Variants in UBR1 observed in about 807,000 individuals in gnomAD.
UBR1 encodes E3 ubiquitin-protein ligase UBR1.
A neutral mutation model predicts 242.1 loss-of-function variants in UBR1; 102 were observed. The ratio of observed to expected loss-of-function variants is 0.42; its 90% CI spans 0.36 to 0.50. The LOEUF is 0.50. UBR1 is among the 20% of genes least tolerant of loss of function. The pLI is 0.01. For missense variants in UBR1, 1,772 were observed against 2,101.8 expected, an observed-to-expected ratio of 0.84 and a Z score of 3.07; for synonymous variants, 675 against 684.8, an observed-to-expected ratio of 0.99 and a Z score of 0.22.
chr15:43,070,860 T>C lies in UBR1; in HGVS notation c.594A>G (p.Ile198Met), dbSNP rs1332420217. ...ATATAGTCATTTCTACGACATATTT[T>C]ATCACTGAAGGAAATATTTTCCTGG... ...VQARKIFPSV[I>M]KYVVEMTIWE... The change falls in exon 5 of 47, where the codon ATA becomes ATG. Residue 198 changes from isoleucine to methionine, a missense_variant. Transcript: ENST00000290650. 6.2e-7 allele frequency: 1 copy of C among 1,613,790 alleles called. No homozygotes were observed. Among genetic ancestry groups the C allele is most frequent in the East Asian group, 2.2e-5 (1 of 44,868 alleles).
At chr15:42,996,687 T>C (rs537899389) in intron 33 of UBR1, among the ~76,000 whole-genome samples, 1 of 152,306 alleles carries the variant, frequency 6.6e-6, no homozygotes, top group South Asian at 2.1e-4. Context: ...TATTTCTTCC[T>C]CTGTAGCTTT....
At chr15:42,976,609 C>T (rs563669014) in intron 39 of UBR1, 108 bp downstream of exon 39, 1 of 1,376,920 alleles carries the variant, frequency 7.3e-7, no homozygotes, top group East Asian at 2.4e-5. Flanking sequence ...CAACAAAAAA[C>T]ATAACACAGA....
In UBR1 at chr15:43,006,985, C is replaced by A. The variant is rs550706835; in HGVS notation, c.3415+94G>T. ...TGATAATGGTATGGTAGATATATAA[C>A]CCTTATTTCCAAATGTTTTTCAAAT... On this transcript the variant is annotated intron_variant, in intron 30 of 46. Transcript: ENST00000290650. 247 of 1,192,238 alleles carry A rather than the reference C, an allele frequency of 2.1e-4. 1 individual carries two copies. In the African/African-American group the frequency reaches 3.2e-3, roughly 16 times the overall value. 73.9% of individuals were successfully genotyped at this position (1,192,238 alleles called of 1,614,324 possible).
At chr15:42,988,267 ATATGTGTG>A (rs2032504888) in intron 35 of UBR1, among the ~76,000 whole-genome samples, 1 of 113,626 alleles carries the variant, frequency 8.8e-6, no homozygotes, top group Non-Finnish European at 2.1e-5. Context: ...CTAAAGGAAT[ATATGTGTG>A]TGTGTGTGTG....
chr15:42,945,587 C>T (rs2031719663), intron 46 of UBR1, 117 bp from the exon 47 acceptor site: 12 of 1,276,180 alleles, frequency 9.4e-6, no homozygotes, highest in Middle Eastern at 2.0e-4. Context: ...GACTCACCAG[C>T]ACAGGGCTTA....
intron 27 of UBR1, among the ~76,000 whole-genome samples, chr15:43,019,340 G>A (rs2033073420): frequency 6.6e-6 from 1 of 152,166 alleles, no homozygotes; most frequent in Non-Finnish European, 1.5e-5. Context: ...TGGGATTACA[G>A]GCGTGAGCCA....
chr15:43,037,778 T>A lies in UBR1; in HGVS notation c.2017A>T (p.Ser673Cys). ...AATAATAGACTTTGCTGTACCTGGC[T>A]AATAAGAGACAGTCCATTTCTTCGC... ...MWRRNGLSLI[S>C]QVFYYQDVKC... Residue 673 changes from serine to cysteine, a missense_variant, in exon 17 of 47, where the codon AGC (serine) becomes TGC (cysteine). Ser to Cys is a moderately radical substitution (Grantham distance 112). This residue lies in a region of UBR1 where 734 missense variants were observed against 893.3 expected (regional missense o/e 0.82). Transcript: ENST00000290650. The A allele has an allele frequency of 6.2e-7, 1 of 1,613,892 alleles. No individual in the cohort carries two copies. Among genetic ancestry groups the A allele is most frequent in the Non-Finnish European group, 8.5e-7 (1 of 1,179,794 alleles).
intron 29 of UBR1, among the ~76,000 whole-genome samples, chr15:43,014,227 T>G (rs546899002): frequency 6.6e-6 from 1 of 152,174 alleles, no homozygotes; most frequent in African/African-American, 2.4e-5. Context: ...GATCTCGGCT[T>G]GCTACAACCT....
Position 42,958,070 on chromosome 15 carries a change from C to A in UBR1, c.4778G>T (p.Ser1593Ile). 1 of 1,613,518 alleles carries A rather than the reference C, an allele frequency of 6.2e-7. No individual in the cohort carries two copies. Among genetic ancestry groups the A allele is most frequent in the South Asian group, 1.1e-5 (1 of 91,074 alleles). The change falls in exon 44 of 47, where the codon AGT becomes ATT. Residue 1593 changes from serine to isoleucine, a missense_variant. This residue lies in a region of UBR1 where 965 missense variants were observed against 1,079.7 expected (regional missense o/e 0.89). Coordinates refer to ENST00000290650, the MANE Select transcript of UBR1 (RefSeq NM_174916.3). ...ATAGTCATCAGGAAGCTCTATCAAA[C>A]TATTTCTTTTTCTAGGGTACCTACA... ...TVVRYPRKRN[S>I]LIELPDDYSC...
At chr15:43,051,905 AAGGAAT>A (rs2033561621) in intron 12 of UBR1, among the ~76,000 whole-genome samples, 1 of 152,190 alleles carries the variant, frequency 6.6e-6, no homozygotes, top group South Asian at 2.1e-4. Context: ...AAATGGAACA[AAGGAAT>A]AGGTTAGAGT....
At chr15:42,986,713 CT>C (rs926586714) in intron 35 of UBR1, among the ~76,000 whole-genome samples, 21 of 152,276 alleles carry the variant, frequency 1.4e-4, no homozygotes, top group South Asian at 4.1e-4. Flanking sequence ...TTGGATGTGA[CT>C]TTTTTTCCCC....
At chr15:43,026,472 G>A in intron 23 of UBR1, 89 bp downstream of exon 23, 2 of 1,069,142 alleles carry the variant, frequency 1.9e-6, no homozygotes, top group Middle Eastern at 4.1e-4. Context: ...GAACCAGCGT[G>A]AAACTATAGA....
At chr15:42,980,081 T>C (rs763496639) in intron 37 of UBR1, among the ~76,000 whole-genome samples, 21 of 152,260 alleles carry the variant, frequency 1.4e-4, no homozygotes, top group Non-Finnish European at 2.2e-4. Flanking sequence ...ATACTACCTA[T>C]CTTATTTTTT....
At chr15:42,976,437 G>A (rs937895258) in intron 39 of UBR1, among the ~76,000 whole-genome samples, 8 of 152,108 alleles carry the variant, frequency 5.3e-5, no homozygotes, top group African/African-American at 1.7e-4. Flanking sequence ...GACAGACCTC[G>A]AGGATGGGGA....
intron 20 of UBR1, 79 bp downstream of exon 20, chr15:43,032,489 G>T: frequency 3.1e-6 from 3 of 975,352 alleles, no homozygotes; most frequent in South Asian, 2.8e-5. Context: ...GGAGTAAAAT[G>T]ATCAATTATA....
intron 29 of UBR1, among the ~76,000 whole-genome samples, chr15:43,012,762 C>T (rs1458715679): frequency 6.6e-6 from 1 of 152,174 alleles, no homozygotes; most frequent in Non-Finnish European, 1.5e-5. Context: ...AGCATACCTT[C>T]ATATCTTTTT....
intron 36 of UBR1, 66 bp from the exon 37 acceptor site, chr15:42,984,059 A>T (rs1435329042): frequency 2.3e-6 from 3 of 1,314,290 alleles, no homozygotes; most frequent in Non-Finnish European, 3.2e-6. Flanking sequence ...TCATCCACTT[A>T]AGAGTTGGTA....
chr15:42,966,677 CAAA>C (rs201069916), intron 40 of UBR1, among the ~76,000 whole-genome samples: 4 of 95,174 alleles, frequency 4.2e-5, no homozygotes, highest in Admixed American at 1.2e-4. Context: ...GACGCTGACT[CAAA>C]AAAAAAAAAA....
intron 1 of UBR1, among the ~76,000 whole-genome samples, chr15:43,099,058 C>T (rs1463059537): frequency 8.5e-5 from 13 of 152,158 alleles, no homozygotes. Context: ...CCCTATAGCC[C>T]AGGCACGGTG....
Sources: gnomAD v4.1 joint callset for allele counts (sites outside exome capture counted in the v4.1 genomes callset) on GRCh38, gnomAD v4.1.1 for gene constraint, gnomAD v4.1.1 regional missense constraint, MANE v1.5 for transcripts, NCBI Gene and HGNC (gene_info 2026-07-23, HGNC 2026-07-21) for gene names.